Variants in RABGEF1 observed in about 807,000 individuals in gnomAD.
RABGEF1 encodes the protein RAB guanine nucleotide exchange factor 1, also known as rab5 GDP/GTP exchange factor.
In RABGEF1, 26 loss-of-function variants were observed where a neutral mutation model predicts 57.3. The ratio of observed to expected loss-of-function variants is 0.45; its 90% CI spans 0.33 to 0.63. The LOEUF (loss-of-function observed/expected upper bound fraction) is 0.63, where lower values mean the gene tolerates loss of function less well. Among genes scored for constraint, RABGEF1 ranks in the 20% least tolerant of loss-of-function variants. The pLI is 0.02. For synonymous variants in RABGEF1, 185 were observed against 210.7 expected (o/e 0.88, Z 1.06); for missense variants, 464 against 607.6 (o/e 0.76, Z 2.48).
intron 1 of RABGEF1, among the ~76,000 whole-genome samples, chr7:66,762,134 C>T (rs772131439): frequency 5.3e-5 from 8 of 151,978 alleles, no homozygotes; most frequent in African/African-American, 1.4e-4. Context: ...GGACTGTGGA[C>T]GAAAACCAAT....
chr7:66,688,598 C>T (rs1008303802), intron 1 of RABGEF1, among the ~76,000 whole-genome samples: 13 of 152,170 alleles, frequency 8.5e-5, no homozygotes, highest in African/African-American at 3.1e-4. Context: ...AACTAGACAT[C>T]AGTAACCAGC....
intron 1 of RABGEF1, among the ~76,000 whole-genome samples, chr7:66,760,625 A>G (rs1305913232): frequency 5.3e-5 from 8 of 151,778 alleles, no homozygotes; most frequent in Admixed American, 5.3e-4. Flanking sequence ...TGTATTTTTA[A>G]TAGAGATGGA....
Position 66,697,260 on chromosome 7 carries a change from C to T in RABGEF1, c.-872-14907C>T, listed in dbSNP as rs4718388. ...GACCTCTCTGCCCCAAGAGCCTCTA[C>T]TTCCCCACCTGGAGAATGGGGCCTC... On this transcript the variant is annotated intron_variant and NMD_transcript_variant, in intron 1 of 9. Transcript: ENST00000607882. 2.5e-3 allele frequency among the ~76,000 whole-genome samples: 388 copies of T among 152,308 alleles called. 2 individuals are homozygous for T. Among genetic ancestry groups the T allele is most frequent in the Admixed American group, 0.02 (312 of 15,298 alleles).
chr7:66,756,947 T>C (rs1802873642), intron 1 of RABGEF1, among the ~76,000 whole-genome samples: 1 of 152,212 alleles, frequency 6.6e-6, no homozygotes, highest in South Asian at 2.1e-4. Context: ...GTTTGACAGG[T>C]CTGTTCTTGT....
At chr7:66,680,545 T>G (rs1789633509), upstream of RABGEF1, among the ~76,000 whole-genome samples, 1 of 145,862 alleles carries the variant, frequency 6.9e-6, no homozygotes, top group Admixed American at 6.8e-5. Flanking sequence ...CACCCAGCCA[T>G]ACTTTTGTTT....
chr7:66,739,292 C>T (rs1798442545), upstream of RABGEF1, among the ~76,000 whole-genome samples: 1 of 151,898 alleles, frequency 6.6e-6, no homozygotes, highest in Non-Finnish European at 1.5e-5. Context: ...GCGTAGCACA[C>T]ATTAGGCACT....
chr7:66,757,493 A>C (rs941519445), intron 1 of RABGEF1, among the ~76,000 whole-genome samples: 3 of 152,338 alleles, frequency 2.0e-5, no homozygotes, highest in Non-Finnish European at 4.4e-5. Flanking sequence ...TTTTACTTAC[A>C]TTTGTATCCC....
chr7:66,779,293 C>T (rs190806588), intron 3 of RABGEF1, among the ~76,000 whole-genome samples: 110 of 151,992 alleles, frequency 7.2e-4, no homozygotes, highest in Middle Eastern at 3.4e-3. Flanking sequence ...CACCTAAGGT[C>T]GGGAGTTCGA....
chr7:66,798,597 A>G (rs776946126), intron 6 of RABGEF1, among the ~76,000 whole-genome samples: 1 of 152,174 alleles, frequency 6.6e-6, no homozygotes, highest in Non-Finnish European at 1.5e-5. Flanking sequence ...GGGTGGGACC[A>G]GGAAACACAC....
At chr7:66,773,723 T>C (rs778330159) in intron 2 of RABGEF1, 28 of 453,938 alleles carry the variant, frequency 6.2e-5, no homozygotes, top group Non-Finnish European at 8.4e-5. Context: ...TGGAGTGCAA[T>C]GGTGCAATTT....
At chr7:66,693,035 A>G (rs972172752) in intron 1 of RABGEF1, among the ~76,000 whole-genome samples, 2 of 152,124 alleles carry the variant, frequency 1.3e-5, no homozygotes, top group African/African-American at 4.8e-5. Flanking sequence ...TAGCGGGGGA[A>G]AAAAGCAGTG....
the RABGEF1 span, among the ~76,000 whole-genome samples, chr7:66,668,340 T>C: frequency 6.6e-6 from 1 of 152,198 alleles, no homozygotes; most frequent in African/African-American, 2.4e-5. Flanking sequence ...CTAGCCATCC[T>C]TCTACCTCAG....
the RABGEF1 span, among the ~76,000 whole-genome samples, chr7:66,662,238 CA>C: frequency 0.24 from 20,792 of 88,004 alleles, 1,522 homozygotes; most frequent in East Asian, 0.36. Context: ...GACTCCGTCT[CA>C]AAAAAAAAAA....
At chr7:66,784,147 T>C (rs998750242) in intron 4 of RABGEF1, among the ~76,000 whole-genome samples, 3 of 152,238 alleles carry the variant, frequency 2.0e-5, no homozygotes, top group African/African-American at 7.2e-5. Flanking sequence ...TAAACTGCGA[T>C]AGTAGACCTT....
At chr7:66,704,627 T>C (rs1228774145) in intron 1 of RABGEF1, among the ~76,000 whole-genome samples, 1 of 151,586 alleles carries the variant, frequency 6.6e-6, no homozygotes, top group Admixed American at 6.6e-5. Flanking sequence ...TGGCTAACAC[T>C]GTGAAACCCC....
intron 1 of RABGEF1, among the ~76,000 whole-genome samples, chr7:66,708,265 T>G (rs777163914): frequency 3.3e-5 from 5 of 151,932 alleles, no homozygotes; most frequent in Non-Finnish European, 5.9e-5. Context: ...TTTATAGCCA[T>G]GTAGTTTGGG....
At chr7:66,713,359 A>C (rs992946240) in intron 2 of RABGEF1, among the ~76,000 whole-genome samples, 2 of 150,728 alleles carry the variant, frequency 1.3e-5, no homozygotes, top group African/African-American at 4.9e-5. Context: ...CAATCTCCTG[A>C]CCTCGTGATC....
At chr7:66,758,443 A>T (rs1322455639) in intron 1 of RABGEF1, among the ~76,000 whole-genome samples, 1 of 152,192 alleles carries the variant, frequency 6.6e-6, no homozygotes, top group Non-Finnish European at 1.5e-5. Context: ...TGAATTGTGC[A>T]TTCTTTATGC....
At chr7:66,785,816 G>C (rs1336051583) in intron 4 of RABGEF1, among the ~76,000 whole-genome samples, 1 of 152,084 alleles carries the variant, frequency 6.6e-6, no homozygotes, top group African/African-American at 2.4e-5. Context: ...GGAGCTTGCA[G>C]TGAGCGGAGA....
Sources: allele counts gnomAD v4.1 joint callset (sites outside exome capture counted in the v4.1 genomes callset), GRCh38; gene constraint gnomAD v4.1.1; transcripts MANE v1.5; gene names NCBI Gene and HGNC (gene_info 2026-07-23, HGNC 2026-07-21).